The following NBAS variants were observed in gnomAD, a reference collection of about 807,000 sequenced individuals.
NBAS encodes the protein NBAS subunit of NRZ tethering complex, also known as NAG/BC035112 fusion.
Under a neutral mutation model 302.5 loss-of-function variants are expected in NBAS, and 219 were observed. The ratio of observed to expected loss-of-function variants is 0.72; its 90% CI spans 0.65 to 0.81. NBAS has a LOEUF of 0.81. Among genes scored for constraint, NBAS ranks in the 30% least tolerant of loss-of-function variants. The probability of loss-of-function intolerance (pLI) is 0.00; values close to 1 mark genes in which losing one functional copy is unlikely to be tolerated. For synonymous variants in NBAS, 1,118 were observed against 1,021.6 expected (o/e 1.09, Z -1.80); for missense variants, 2,932 against 2,841.6 (o/e 1.03, Z -0.72).
chr2:15,234,684 C>T lies in NBAS; in HGVS notation c.6007G>A (p.Asp2003Asn), dbSNP rs2147934190. 1 of 1,614,136 alleles carries T rather than the reference C, an allele frequency of 6.2e-7. No homozygotes were observed. The highest frequency in any genetic ancestry group is 2.2e-5 in the East Asian group (1 of 44,874). ...TCTAAACAAATAGCCACAGCTTCAT[C>T]ATGAAGTTTCTCTTTTTCTGATCGG... Reference protein sequence around the residue: ...LSRSEKEKLHDEAVAICLDGQ... With the variant: ...LSRSEKEKLHNEAVAICLDGQ... Residue 2003 changes from aspartate to asparagine, a missense_variant, in exon 46 of 52, where the codon GAT becomes AAT. By Grantham distance (23) the Asp-to-Asn change is conservative. Transcript: ENST00000281513.
chr2:14,843,727 G>A, the NBAS span, among the ~76,000 whole-genome samples: 263 of 152,262 alleles, frequency 1.7e-3, no homozygotes, highest in African/African-American at 6.1e-3. Context: ...CCAGGCAGCT[G>A]CTTGGTGCAG....
chr2:15,078,519 C>T, the NBAS span, among the ~76,000 whole-genome samples: 1 of 152,166 alleles, frequency 6.6e-6, no homozygotes, highest in African/African-American at 2.4e-5. Flanking sequence ...TTCCATTTGG[C>T]ACTCGCAAAG....
chr2:15,474,221 T>C lies in NBAS; in HGVS notation c.1445A>G (p.Lys482Arg). Reference protein sequence around the residue: ...DSDSDYEISAKARYFGYIKQG... With the variant: ...DSDSDYEISARARYFGYIKQG... The stretch of plus-strand genomic sequence containing the variant: ...TTTTATATAACCAAAGTAGCGAGCC[T>C]TGGCAGATATTTCATAATCAGAATC... Residue 482 changes from lysine (K) to arginine (R), a missense_variant, in exon 15 of 52, where the codon AAG becomes AGG. Physicochemically the swap from Lys to Arg is conservative, Grantham distance 26. Coordinates refer to ENST00000281513, the MANE Select transcript of NBAS (RefSeq NM_015909.4). The C allele has an allele frequency of 6.2e-7, 1 of 1,614,132 alleles. No homozygotes were observed. Among genetic ancestry groups the C allele is most frequent in the Non-Finnish European group, 8.5e-7 (1 of 1,180,014 alleles).
chr2:15,409,753 C>A (rs967513059), intron 25 of NBAS, among the ~76,000 whole-genome samples: 12 of 152,230 alleles, frequency 7.9e-5, no homozygotes, highest in African/African-American at 2.9e-4. Context: ...GGAAGTGGAG[C>A]AAGGCCTGCC....
intron 51 of NBAS, among the ~76,000 whole-genome samples, chr2:15,171,740 A>T (rs1458572074): frequency 6.6e-6 from 1 of 152,194 alleles, no homozygotes. Flanking sequence ...GACTTTAAAG[A>T]GGCAATGAAG....
chr2:15,111,598 G>A, the NBAS span, among the ~76,000 whole-genome samples: 1 of 152,026 alleles, frequency 6.6e-6, no homozygotes, highest in Non-Finnish European at 1.5e-5. Context: ...TCTACATAAA[G>A]CAGTCTGCAC....
intron 6 of NBAS, 108 bp downstream of exon 6, chr2:15,551,385 G>A: frequency 4.5e-6 from 3 of 659,966 alleles, no homozygotes; most frequent in African/African-American, 1.9e-5. Flanking sequence ...TAATAGTCAT[G>A]ATAATCCTTG....
At chr2:15,254,048 C>G (rs1443170491) in intron 44 of NBAS, among the ~76,000 whole-genome samples, 1 of 152,146 alleles carries the variant, frequency 6.6e-6, no homozygotes. Context: ...CAATTGCCAG[C>G]CATTATTACA....
chr2:15,114,899 T>C, the NBAS span, among the ~76,000 whole-genome samples: 1 of 152,170 alleles, frequency 6.6e-6, no homozygotes, highest in African/African-American at 2.4e-5. Flanking sequence ...ATAAACACAT[T>C]ATGATAAATA....
At chr2:15,393,594 A>C (rs1391486593) in intron 28 of NBAS, 4 of 433,072 alleles carry the variant, frequency 9.2e-6, no homozygotes, top group Non-Finnish European at 1.9e-5. Context: ...TTTCATCCTT[A>C]GGTATTTGTC....
chr2:14,932,215 G>A, the NBAS span, among the ~76,000 whole-genome samples: 4 of 152,128 alleles, frequency 2.6e-5, no homozygotes, highest in African/African-American at 9.7e-5. Flanking sequence ...GCCAGGAGCT[G>A]GCATGAACCA....
intron 21 of NBAS, among the ~76,000 whole-genome samples, chr2:15,454,369 G>T (rs1421482073): frequency 2.6e-5 from 4 of 151,640 alleles, no homozygotes; most frequent in Non-Finnish European, 5.9e-5. Context: ...TGGTATCCTG[G>T]ACTGTATCCT....
At position 15,200,885 on chromosome 2, in the gene NBAS, A is replaced by G. The variant is rs77219949; in HGVS notation, c.6433-10482T>C. On this transcript the variant is annotated intron_variant, in intron 48 of 51. Coordinates refer to ENST00000281513, the MANE Select transcript of NBAS (RefSeq NM_015909.4). ...GAACACAAATATCTTAAATTAGGGT[A>G]CTTTTGAAATATGCATCTTCCTACA... Among the ~76,000 whole-genome samples the G allele has an allele frequency of 3.4e-3, 511 of 152,324 alleles. 8 individuals carry two copies. In the East Asian group the frequency reaches 0.073, roughly 22 times the overall value.
At chr2:15,511,702 A>G (rs975334330) in intron 9 of NBAS, among the ~76,000 whole-genome samples, 1 of 152,224 alleles carries the variant, frequency 6.6e-6, no homozygotes, top group Non-Finnish European at 1.5e-5. Flanking sequence ...TTATGTATTA[A>G]TTATGGCAAT....
intron 35 of NBAS, among the ~76,000 whole-genome samples, 170 bp downstream of exon 35, chr2:15,351,817 AATGTT>A (rs1397688200): frequency 6.6e-6 from 1 of 151,570 alleles, no homozygotes; most frequent in Admixed American, 6.6e-5. Flanking sequence ...TATCTATATG[AATGTT>A]ATATTTCACA....
At chr2:14,942,736 G>A in the NBAS span, among the ~76,000 whole-genome samples, 1 of 152,346 alleles carries the variant, frequency 6.6e-6, no homozygotes, top group Admixed American at 6.5e-5. Context: ...AAGGACCACA[G>A]AAAGGAAGAT....
chr2:15,464,396 A>G lies in NBAS; in HGVS notation c.2098-2605T>C, dbSNP rs114611967. On this transcript the variant is annotated intron_variant, in intron 19 of 51. Coordinates refer to ENST00000281513, the MANE Select transcript of NBAS (RefSeq NM_015909.4). ...AACTACACACCTACCTGCATCTGTAATAAGATTTTCCTTCCTCCCAGTTAC... is the reference window on the plus strand; with the variant it reads ...AACTACACACCTACCTGCATCTGTAGTAAGATTTTCCTTCCTCCCAGTTAC... 5.7e-3 allele frequency among the ~76,000 whole-genome samples: 872 copies of G among 152,200 alleles called. 7 individuals carry two copies. Among genetic ancestry groups the G allele is most frequent in the African/African-American group, 0.019 (785 of 41,518 alleles).
At chr2:15,398,557 T>A (rs2148420848) in intron 26 of NBAS, among the ~76,000 whole-genome samples, 1 of 152,340 alleles carries the variant, frequency 6.6e-6, no homozygotes, top group African/African-American at 2.4e-5. Flanking sequence ...AAAGTTTTTT[T>A]AGCCAGATTA....
chr2:15,156,800 A>T, the NBAS span, among the ~76,000 whole-genome samples: 8 of 152,194 alleles, frequency 5.3e-5, no homozygotes, highest in Non-Finnish European at 1.0e-4. Flanking sequence ...CTATCTTTCC[A>T]AGCACAGACC....
Sources: allele counts gnomAD v4.1 joint callset (sites outside exome capture counted in the v4.1 genomes callset), GRCh38; gene constraint gnomAD v4.1.1; transcripts MANE v1.5; gene names NCBI Gene and HGNC (gene_info 2026-07-23, HGNC 2026-07-21).